The following KCTD16 variants were observed in gnomAD, a reference collection of about 807,000 sequenced individuals.
The protein encoded by KCTD16 is BTB/POZ domain-containing protein KCTD16.
Under a neutral mutation model 33.2 loss-of-function variants are expected in KCTD16, and 13 were observed. That is an observed-to-expected ratio of 0.39 (90% CI 0.25 to 0.62). The LOEUF is 0.62. KCTD16 is among the 20% of genes least tolerant of loss of function. The pLI is 0.50. For missense variants in KCTD16, 441 were observed against 525.1 expected, an observed-to-expected ratio of 0.84 and a Z score of 1.57; for synonymous variants, 197 against 195.3, an observed-to-expected ratio of 1.01 and a Z score of -0.07.
At chr5:144,299,107 T>TC (rs1756147287) in intron 3 of KCTD16, among the ~76,000 whole-genome samples, 15 of 10,002 alleles carry the variant, frequency 1.5e-3, no homozygotes, top group Middle Eastern at 0.028. Flanking sequence ...TATATATATA[T>TC]ATATATATAT....
chr5:144,412,801 G>A lies in KCTD16; in HGVS notation c.833-60859G>A, dbSNP rs555372396. Among the ~76,000 whole-genome samples, 302 of 152,214 alleles carry A rather than the reference G, an allele frequency of 2.0e-3. 2 individuals are homozygous for A. The highest frequency in any genetic ancestry group is 6.7e-3 in the African/African-American group (279 of 41,530). On this transcript the variant is annotated intron_variant, in intron 3 of 3. Coordinates refer to ENST00000512467, the MANE Select transcript of KCTD16 (RefSeq NM_020768.4). ...CTTGGGTAGCTGAGGCACGAGAGTC[G>A]CTTGAACCTGGGAGGCAAAGGCTGC...
At chr5:144,217,224 A>G (rs575522112) in intron 3 of KCTD16, among the ~76,000 whole-genome samples, 20 of 152,312 alleles carry the variant, frequency 1.3e-4, no homozygotes, top group Non-Finnish European at 2.5e-4. Flanking sequence ...ACTCATTTAC[A>G]TCAGTTAAAG....
chr5:144,455,519 G>T (rs74672512), intron 3 of KCTD16, among the ~76,000 whole-genome samples: 2 of 152,190 alleles, frequency 1.3e-5, no homozygotes, highest in African/African-American at 4.8e-5. Context: ...GAGTGACAGA[G>T]TTCCATGTGG....
intron 3 of KCTD16, among the ~76,000 whole-genome samples, chr5:144,398,937 A>C (rs1284344257): frequency 6.6e-6 from 1 of 152,144 alleles, no homozygotes; most frequent in Non-Finnish European, 1.5e-5. Context: ...CCTTTGCTGC[A>C]AGGTTAAATA....
chr5:144,348,977 C>T (rs1752878232), intron 3 of KCTD16, among the ~76,000 whole-genome samples: 1 of 152,054 alleles, frequency 6.6e-6, no homozygotes. Flanking sequence ...CAAAAACGGG[C>T]CTGTGTAGGT....
intron 3 of KCTD16, among the ~76,000 whole-genome samples, chr5:144,212,190 A>G (rs1177013746): frequency 6.6e-6 from 1 of 152,182 alleles, no homozygotes; most frequent in African/African-American, 2.4e-5. Context: ...AAAGGGCAGA[A>G]GCAGCAGGCA....
intron 3 of KCTD16, among the ~76,000 whole-genome samples, chr5:144,458,197 C>A (rs536413334): frequency 1.3e-5 from 2 of 152,132 alleles, no homozygotes; most frequent in Non-Finnish European, 2.9e-5. Context: ...CTCAAACAAC[C>A]TCATAGGCAG....
At chr5:144,256,025 C>A (rs1456435942) in intron 3 of KCTD16, among the ~76,000 whole-genome samples, 1 of 152,136 alleles carries the variant, frequency 6.6e-6, no homozygotes, top group Non-Finnish European at 1.5e-5. Flanking sequence ...CAAGTCAGTA[C>A]CGTACCTGTG....
chr5:144,254,945 G>A (rs1160868740), intron 3 of KCTD16, among the ~76,000 whole-genome samples: 1 of 151,874 alleles, frequency 6.6e-6, no homozygotes, highest in Non-Finnish European at 1.5e-5. Flanking sequence ...TTAAATTTTT[G>A]TAGGGATGGG....
At chr5:144,192,840 A>T (rs931767351) in intron 2 of KCTD16, among the ~76,000 whole-genome samples, 1 of 152,220 alleles carries the variant, frequency 6.6e-6, no homozygotes, top group African/African-American at 2.4e-5. Flanking sequence ...GTGAGGCCAG[A>T]TAGCAGAGAG....
chr5:144,373,868 A>G (rs1196389073), intron 3 of KCTD16, among the ~76,000 whole-genome samples: 1 of 152,208 alleles, frequency 6.6e-6, no homozygotes, highest in Non-Finnish European at 1.5e-5. Context: ...TTCATTTCCT[A>G]TGGCTTCTGT....
At chr5:144,220,940 CAA>C (rs748978902) in intron 3 of KCTD16, among the ~76,000 whole-genome samples, 1 of 99,594 alleles carries the variant, frequency 1.0e-5, no homozygotes, top group Admixed American at 1.1e-4. Context: ...GACTACGTCT[CAA>C]AAAAAAAAAA....
chr5:144,333,360 GTTC>G (rs1455116612), intron 3 of KCTD16, among the ~76,000 whole-genome samples: 1 of 152,162 alleles, frequency 6.6e-6, no homozygotes, highest in Admixed American at 6.5e-5. Flanking sequence ...CAATGTGGCT[GTTC>G]TTCTGCTCTT....
At chr5:144,214,249 C>T (rs894076993) in intron 3 of KCTD16, among the ~76,000 whole-genome samples, 3 of 152,086 alleles carry the variant, frequency 2.0e-5, no homozygotes, top group Non-Finnish European at 2.9e-5. Flanking sequence ...TTTCCATCTC[C>T]GCTGATGGAA....
Position 144,206,752 on chromosome 5 carries a change from G to A in KCTD16, c.38G>A (p.Arg13Gln). ...LSGNCSRYYP[R>Q]EQGSAVPNSF... Reference sequence around the variant, plus strand: ...GGAAACTGTAGTCGTTATTATCCTCGAGAACAAGGGTCCGCAGTTCCCAAC... The same window carrying A: ...GGAAACTGTAGTCGTTATTATCCTCAAGAACAAGGGTCCGCAGTTCCCAAC... The change falls in exon 3 of 4, where the codon CGA becomes CAA. Residue 13 changes from arginine to glutamine, a missense_variant. Coordinates refer to ENST00000512467, the MANE Select transcript of KCTD16 (RefSeq NM_020768.4). The A allele has an allele frequency of 3.7e-6, 6 of 1,613,958 alleles. No individual in the cohort carries two copies. Among genetic ancestry groups the A allele is most frequent in the Non-Finnish European group, 5.1e-6 (6 of 1,179,938 alleles).
intron 3 of KCTD16, among the ~76,000 whole-genome samples, chr5:144,303,201 G>C (rs1751492143): frequency 1.3e-5 from 2 of 152,122 alleles, no homozygotes; most frequent in Admixed American, 1.3e-4. Flanking sequence ...CAGTAGGGTG[G>C]CTGGCTGTCT....
chr5:144,298,914 G>A lies in KCTD16; in HGVS notation c.832+91368G>A, dbSNP rs1208271697. On this transcript the variant is annotated intron_variant, in intron 3 of 3. Coordinates refer to ENST00000512467, the MANE Select transcript of KCTD16 (RefSeq NM_020768.4). ...CTTTATTATTATGTAGATGAATTTAGCCTCTCCAGGCTTCTTTCACCCAGT... is the reference window on the plus strand; with the variant it reads ...CTTTATTATTATGTAGATGAATTTAACCTCTCCAGGCTTCTTTCACCCAGT... Among the ~76,000 whole-genome samples the A allele has an allele frequency of 4.5e-4, 67 of 149,056 alleles. 1 individual carries two copies. Among genetic ancestry groups the A allele is most frequent in the Non-Finnish European group, 2.1e-4 (14 of 67,310 alleles).
intron 3 of KCTD16, among the ~76,000 whole-genome samples, chr5:144,417,375 A>T (rs1346522946): frequency 6.6e-6 from 1 of 152,120 alleles, no homozygotes; most frequent in East Asian, 1.9e-4. Context: ...GACTAATGAA[A>T]TCAGGCATCT....
chr5:144,342,756 A>G (rs928335088), intron 3 of KCTD16, among the ~76,000 whole-genome samples: 2 of 152,172 alleles, frequency 1.3e-5, no homozygotes, highest in Non-Finnish European at 2.9e-5. Context: ...ATGTCCCATC[A>G]ATACCTAGTT....
Sources: allele counts gnomAD v4.1 joint callset (sites outside exome capture counted in the v4.1 genomes callset), GRCh38; gene constraint gnomAD v4.1.1; transcripts MANE v1.5; gene names NCBI Gene and HGNC (gene_info 2026-07-23, HGNC 2026-07-21).